The following AUTS2 variants were observed in gnomAD, a reference collection of about 807,000 sequenced individuals.
The protein encoded by AUTS2 is activator of transcription and developmental regulator AUTS2, also known as autism susceptibility gene 2 protein.
AUTS2 carries 17 observed loss-of-function variants against 112.4 expected under a neutral mutation model. The observed-to-expected ratio is 0.15, with a 90% CI of 0.10 to 0.23. The LOEUF is 0.23. Ranked by LOEUF, AUTS2 falls within the 10% of genes least tolerant of loss-of-function variation. The pLI is 1.00. For missense variants in AUTS2, 1,510 were observed against 1,701.6 expected, an observed-to-expected ratio of 0.89 and a Z score of 1.98; for synonymous variants, 751 against 702.7, an observed-to-expected ratio of 1.07 and a Z score of -1.09.
Position 70,303,434 on chromosome 7 carries a change from G to GCGCGCACACACACACACACACA in AUTS2, c.661-132317_661-132316insGCGCACACACACACACACACAC, listed in dbSNP as rs1241517255. 4.9e-5 allele frequency among the ~76,000 whole-genome samples: 7 copies of GCGCGCACACACACACACACACA among 141,948 alleles called. No individual in the cohort carries two copies. The East Asian group carries it at 6.3e-4, about 13-fold the overall frequency. The allele number at this position is 141,948 out of a possible 152,430, so 93.1% of individuals were successfully genotyped here. Reference sequence around the variant, plus strand: ...CACGCACACACACACGCGCGCGCGCGCACATACACACACACACACACACAC... The same window carrying GCGCGCACACACACACACACACA: ...CACGCACACACACACGCGCGCGCGCGCGCGCACACACACACACACACACACATACACACACACACACACACAC... On this transcript the variant is annotated intron_variant, in intron 4 of 18. Coordinates refer to ENST00000342771, the MANE Select transcript of AUTS2 (RefSeq NM_015570.4).
At chr7:70,413,918 GC>G (rs1411405408) in intron 4 of AUTS2, among the ~76,000 whole-genome samples, 1 of 151,986 alleles carries the variant, frequency 6.6e-6, no homozygotes, top group Non-Finnish European at 1.5e-5. Context: ...CAAGCAATAT[GC>G]CCGCCTCGGC....
intron 4 of AUTS2, among the ~76,000 whole-genome samples, chr7:70,276,937 C>T (rs1342807016): frequency 2.0e-5 from 3 of 152,034 alleles, no homozygotes; most frequent in South Asian, 2.1e-4. Context: ...AGATTGCATC[C>T]GGAAAGATGT....
intron 5 of AUTS2, among the ~76,000 whole-genome samples, chr7:70,602,192 A>G (rs1327917328): frequency 6.6e-6 from 1 of 152,160 alleles, no homozygotes; most frequent in African/African-American, 2.4e-5. Flanking sequence ...ATCCTCTCAC[A>G]TAGCTAGGGC....
At chr7:70,525,129 C>A (rs1328991159) in intron 5 of AUTS2, among the ~76,000 whole-genome samples, 1 of 152,196 alleles carries the variant, frequency 6.6e-6, no homozygotes, top group Non-Finnish European at 1.5e-5. Context: ...GACAGACAGT[C>A]GGATAGCACC....
chr7:70,582,190 C>G (rs1196653562), intron 5 of AUTS2, among the ~76,000 whole-genome samples: 1 of 152,032 alleles, frequency 6.6e-6, no homozygotes, highest in Non-Finnish European at 1.5e-5. Flanking sequence ...TGGGGGTTTT[C>G]TTTATCGTTA....
chr7:70,751,732 G>GT (rs1307467858), intron 6 of AUTS2, among the ~76,000 whole-genome samples: 3 of 152,050 alleles, frequency 2.0e-5, no homozygotes, highest in East Asian at 1.9e-4. Flanking sequence ...GCATACACTA[G>GT]TTTTTTGTGA....
At chr7:69,868,514 C>G (rs1384129218) in intron 1 of AUTS2, among the ~76,000 whole-genome samples, 1 of 152,114 alleles carries the variant, frequency 6.6e-6, no homozygotes, top group South Asian at 2.1e-4. Context: ...CCCTCTGTCA[C>G]CCAGGTTATA....
chr7:70,344,088 A>G (rs1791390176), intron 4 of AUTS2, among the ~76,000 whole-genome samples: 1 of 152,144 alleles, frequency 6.6e-6, no homozygotes, highest in African/African-American at 2.4e-5. Context: ...ATCAGTACTG[A>G]CACAACCCTG....
chr7:70,313,032 T>G (rs1488465681), intron 4 of AUTS2, among the ~76,000 whole-genome samples: 3 of 152,172 alleles, frequency 2.0e-5, no homozygotes, highest in Admixed American at 1.3e-4. Flanking sequence ...GAGAAATAGA[T>G]TTCTATTTTG....
At chr7:70,724,756 T>G (rs765543663) in intron 6 of AUTS2, among the ~76,000 whole-genome samples, 8 of 152,206 alleles carry the variant, frequency 5.3e-5, no homozygotes, top group Non-Finnish European at 1.2e-4. Flanking sequence ...CATCCTGACA[T>G]TCTTTATGTG....
In AUTS2 at chr7:70,088,869, A is replaced by G. The variant is rs148716153; in HGVS notation, c.523-29263A>G. Among the ~76,000 whole-genome samples the G allele has an allele frequency of 2.9e-3, 440 of 152,192 alleles. 1 individual carries two copies. Among genetic ancestry groups the G allele is most frequent in the Middle Eastern group, 0.01 (3 of 294 alleles). On this transcript the variant is annotated intron_variant, in intron 2 of 18. Coordinates refer to ENST00000342771, the MANE Select transcript of AUTS2 (RefSeq NM_015570.4). ...TCCGAGACCCATCTTGCTTTCTAAT[A>G]CAGTTTAATGCTATTTCTCCTTCAA...
rs1046788800 is a variant in AUTS2, at chr7:70,703,472, C to T, written c.742+4852C>T. Among the ~76,000 whole-genome samples the T allele has an allele frequency of 3.6e-5, 4 of 110,610 alleles. No individual in the cohort carries two copies. In the South Asian group the frequency reaches 1.3e-3, roughly 35 times the overall value. The allele number at this position is 110,610 out of a possible 152,430, so 72.6% of individuals were successfully genotyped here. A position where few individuals can be genotyped will look rare whatever the true frequency, so the allele number is the denominator to read the frequency against. ...GATTGTGCCACTATAGCCTGGGCGA[C>T]AGAGTGAGACACCATTTCAAAAAAA... On this transcript the variant is annotated intron_variant, in intron 6 of 18. Transcript: ENST00000342771.
chr7:70,015,837 A>AGTTGTT (rs376646110), intron 2 of AUTS2, among the ~76,000 whole-genome samples: 3 of 145,662 alleles, frequency 2.1e-5, no homozygotes, highest in East Asian at 2.0e-4. Flanking sequence ...GTGGCCACCT[A>AGTTGTT]GTTGTTGTTG....
intron 2 of AUTS2, among the ~76,000 whole-genome samples, chr7:69,928,304 T>A (rs1371753234): frequency 6.6e-6 from 1 of 152,170 alleles, no homozygotes; most frequent in Non-Finnish European, 1.5e-5. Flanking sequence ...CACTCGGGGT[T>A]ATGGACTCCA....
intron 3 of AUTS2, among the ~76,000 whole-genome samples, chr7:70,133,961 A>G (rs1254956837): frequency 6.6e-6 from 1 of 152,186 alleles, no homozygotes; most frequent in East Asian, 1.9e-4. Flanking sequence ...CATTCTCTGC[A>G]TTTTAGTCTA....
chr7:70,485,277 A>G (rs1797938838), intron 5 of AUTS2, among the ~76,000 whole-genome samples: 1 of 152,228 alleles, frequency 6.6e-6, no homozygotes, highest in African/African-American at 2.4e-5. Flanking sequence ...TGGTATATAT[A>G]CACCATGGAA....
chr7:70,600,970 A>G (rs1238211654), intron 5 of AUTS2, among the ~76,000 whole-genome samples: 3 of 152,212 alleles, frequency 2.0e-5, no homozygotes, highest in Admixed American at 2.0e-4. Flanking sequence ...ATTGTGAATA[A>G]TGCTGCTGTG....
intron 1 of AUTS2, among the ~76,000 whole-genome samples, chr7:69,873,902 C>T (rs1259841637): frequency 6.6e-6 from 1 of 152,206 alleles, no homozygotes; most frequent in Non-Finnish European, 1.5e-5. Flanking sequence ...TACCTATCAG[C>T]ACTTCTAGAC....
intron 4 of AUTS2, among the ~76,000 whole-genome samples, chr7:70,236,552 C>T (rs967350457): frequency 1.3e-5 from 2 of 152,138 alleles, no homozygotes; most frequent in African/African-American, 4.8e-5. Flanking sequence ...GTGTATATTG[C>T]CGATTTAGGA....
Sources: allele counts gnomAD v4.1 joint callset (sites outside exome capture counted in the v4.1 genomes callset), GRCh38; gene constraint gnomAD v4.1.1; transcripts MANE v1.5; gene names NCBI Gene and HGNC (gene_info 2026-07-23, HGNC 2026-07-21).